CRYBG1: variants seen among roughly 807,000 people sequenced by gnomAD.
CRYBG1 encodes beta/gamma crystallin domain-containing protein 1.
In CRYBG1, 139 loss-of-function variants were observed where a neutral mutation model predicts 189.2. That is an observed-to-expected ratio of 0.73 (90% CI 0.64 to 0.85). The LOEUF is 0.85. Among genes scored for constraint, CRYBG1 ranks in the 40% least tolerant of loss-of-function variants. The probability of loss-of-function intolerance (pLI) is 0.00; values close to 1 mark genes in which losing one functional copy is unlikely to be tolerated. For missense variants in CRYBG1, 2,611 were observed against 2,675.8 expected, an observed-to-expected ratio of 0.98 and a Z score of 0.53; for synonymous variants, 1,023 against 1,017.1, an observed-to-expected ratio of 1.01 and a Z score of -0.11.
rs9480667 is a variant in CRYBG1, at chr6:106,433,513, C to T, written c.174-18181C>T. Among the ~76,000 whole-genome samples, 609 of 151,804 alleles carry T rather than the reference C, an allele frequency of 4.0e-3. 1 individual carries two copies. Among genetic ancestry groups the T allele is most frequent in the African/African-American group, 0.014 (583 of 41,366 alleles). Reference sequence around the variant, plus strand: ...TGGGATTTAATTCTTTGACTAGTGTCGCTATAGCAAAAGAGTGGAGTCATT... The same window carrying T: ...TGGGATTTAATTCTTTGACTAGTGTTGCTATAGCAAAAGAGTGGAGTCATT... On this transcript the variant is annotated intron_variant, in intron 1 of 21. Coordinates refer to ENST00000633556, the MANE Select transcript of CRYBG1 (RefSeq NM_001371242.2).
Position 106,512,910 on chromosome 6 carries a change from G to T in CRYBG1, c.1793G>T (p.Arg598Leu). The T allele has an allele frequency of 6.2e-7, 1 of 1,605,720 alleles. No homozygotes were observed. Among genetic ancestry groups the T allele is most frequent in the Non-Finnish European group, 8.5e-7 (1 of 1,176,430 alleles). ...CCGCTCCCCAACCACTTCAACGGCC[G>T]GGCAGAGGGAGGTCGAAGCAGAGAG... The part of the protein sequence containing the change: ...RGPLPNHFNG[R>L]AEGGRSRELG... The change falls in exon 3 of 22, where the codon CGG (arginine) becomes CTG (leucine). Residue 598 changes from arginine to leucine, a missense_variant. Around this residue, in one of 3 missense-constraint regions of CRYBG1, gnomAD observed 985 missense variants for 924.4 expected, o/e 1.07. Transcript: ENST00000633556.
At position 106,568,777 on chromosome 6, in the gene CRYBG1, T is replaced by C; in HGVS notation, c.*211T>C. The C allele has an allele frequency of 2.2e-6, 1 of 458,708 alleles. No homozygotes were observed. Among genetic ancestry groups the C allele is most frequent in the East Asian group, 3.2e-5 (1 of 30,878 alleles). 28.4% of individuals were successfully genotyped at this position (458,708 alleles called of 1,614,324 possible). A position where few individuals can be genotyped will look rare whatever the true frequency, so the allele number is the denominator to read the frequency against. On this transcript the variant is annotated 3_prime_UTR_variant, in exon 22 of 22. Coordinates refer to ENST00000633556, the MANE Select transcript of CRYBG1 (RefSeq NM_001371242.2). The stretch of plus-strand genomic sequence containing the variant: ...TTTAAACCAATAATTTGTCCTCCTT[T>C]CATTTCTTGCCTTTCATTTTTGGTA...
chr6:106,486,094 T>C (rs1394723072), intron 2 of CRYBG1, among the ~76,000 whole-genome samples: 1 of 152,212 alleles, frequency 6.6e-6, no homozygotes, highest in Non-Finnish European at 1.5e-5. Context: ...TAGGTGTTTG[T>C]TGCTATGAAC....
intron 1 of CRYBG1, among the ~76,000 whole-genome samples, chr6:106,430,073 G>A (rs1433782560): frequency 6.6e-6 from 1 of 151,960 alleles, no homozygotes; most frequent in South Asian, 2.1e-4. Context: ...TAAATGCTTA[G>A]AACAACTGGA....
intron 2 of CRYBG1, among the ~76,000 whole-genome samples, chr6:106,504,481 C>G (rs1285066138): frequency 6.6e-6 from 1 of 151,922 alleles, no homozygotes; most frequent in Admixed American, 6.6e-5. Flanking sequence ...ATAGTTCTGT[C>G]TCCAGAATCA....
At chr6:106,559,599 C>T (rs774869053) in intron 18 of CRYBG1, among the ~76,000 whole-genome samples, 13 of 152,004 alleles carry the variant, frequency 8.6e-5, no homozygotes, top group Non-Finnish European at 1.5e-4. Context: ...GCCTGGCCAA[C>T]GTGGTGAAAC....
intron 2 of CRYBG1, among the ~76,000 whole-genome samples, chr6:106,467,713 CT>C (rs989004572): frequency 2.8e-4 from 41 of 148,466 alleles, no homozygotes; most frequent in African/African-American, 7.9e-4. Context: ...TTTTCTCTTA[CT>C]TTTTTTTTTG....
At position 106,544,907 on chromosome 6, in the gene CRYBG1, A is replaced by G. The variant is rs769894439; in HGVS notation, c.5286A>G (p.Thr1762=). 1.2e-6 allele frequency: 2 copies of G among 1,612,462 alleles called. No homozygotes were observed. The change falls in exon 13 of 22, where the codon ACA becomes ACG. Residue 1762 remains threonine, a synonymous_variant. Coordinates refer to ENST00000633556, the MANE Select transcript of CRYBG1 (RefSeq NM_001371242.2). ...AGGAGACTGGATATGGAGTGAAGAC[A>G]CAGTCTATTAATGTACTGAGTGGAG... ...NLKETGYGVK[T]QSINVLSGVW... is the part of the protein sequence containing the mutation.
chr6:106,397,275 T>C (rs112476133), intron 1 of CRYBG1, among the ~76,000 whole-genome samples: 2,316 of 152,328 alleles, frequency 0.015, 65 homozygotes, highest in African/African-American at 0.052. Flanking sequence ...GGTAAGAACA[T>C]CTAAGATCTG....
intron 1 of CRYBG1, among the ~76,000 whole-genome samples, chr6:106,394,875 TGAGACAGTCTTG>T (rs1770575778): frequency 6.7e-6 from 1 of 150,234 alleles, no homozygotes; most frequent in Non-Finnish European, 1.5e-5. Flanking sequence ...TTTTTTTTTT[TGAGACAGTCTTG>T]TTCTATCACC....
intron 2 of CRYBG1, among the ~76,000 whole-genome samples, chr6:106,509,444 A>C (rs1479130219): frequency 6.6e-6 from 1 of 152,228 alleles, no homozygotes; most frequent in Non-Finnish European, 1.5e-5. Flanking sequence ...ACCATTGAAG[A>C]ATCGGATTAA....
At chr6:106,539,125 A>C (rs1774071679) in intron 8 of CRYBG1, among the ~76,000 whole-genome samples, 1 of 152,212 alleles carries the variant, frequency 6.6e-6, no homozygotes, top group East Asian at 1.9e-4. Flanking sequence ...GCACCATGAC[A>C]AATGATTAGA....
intron 9 of CRYBG1, among the ~76,000 whole-genome samples, chr6:106,540,971 T>C (rs1774115847): frequency 1.3e-5 from 2 of 152,226 alleles, no homozygotes; most frequent in African/African-American, 4.8e-5. Flanking sequence ...CAACCCCTCA[T>C]AGACTCATCC....
chr6:106,553,858 G>A (rs939972765), intron 16 of CRYBG1, among the ~76,000 whole-genome samples: 1 of 152,098 alleles, frequency 6.6e-6, no homozygotes, highest in Non-Finnish European at 1.5e-5. Context: ...GTTAATCCAA[G>A]GTACCTCCCA....
At chr6:106,542,281 G>C (rs1456036689) in intron 10 of CRYBG1, among the ~76,000 whole-genome samples, 1 of 64,332 alleles carries the variant, frequency 1.6e-5, no homozygotes, top group African/African-American at 6.9e-5. Flanking sequence ...CCATTATTTA[G>C]GGTTTTTTTT....
chr6:106,458,501 C>T (rs544816587), intron 2 of CRYBG1, among the ~76,000 whole-genome samples: 1 of 152,288 alleles, frequency 6.6e-6, no homozygotes, highest in Admixed American at 6.5e-5. Context: ...AAGTCTCCTT[C>T]CTTGTCAGAC....
At chr6:106,482,781 T>A (rs201933188) in intron 2 of CRYBG1, among the ~76,000 whole-genome samples, 18,583 of 65,442 alleles carry the variant, frequency 0.28, 1,263 homozygotes, top group African/African-American at 0.46. Flanking sequence ...TCTCAAAAAA[T>A]AATAATCATA....
chr6:106,413,677 C>CAAAAAAA (rs557608428), intron 1 of CRYBG1, among the ~76,000 whole-genome samples: 1 of 141,146 alleles, frequency 7.1e-6, no homozygotes. Context: ...GATTTTGTCT[C>CAAAAAAA]AAAAAAAAAA....
intron 18 of CRYBG1, 46 bp from the exon 19 acceptor site, chr6:106,560,757 C>G (rs780052368): frequency 6.3e-7 from 1 of 1,579,980 alleles, no homozygotes; most frequent in African/African-American, 1.4e-5. Flanking sequence ...TTGGGGTCCA[C>G]TGTCAAATGA....
Sources: allele counts gnomAD v4.1 joint callset (sites outside exome capture counted in the v4.1 genomes callset), GRCh38; gene constraint gnomAD v4.1.1; regional missense constraint gnomAD v4.1.1; transcripts MANE v1.5; gene names NCBI Gene and HGNC (gene_info 2026-07-23, HGNC 2026-07-21).